TMEM150C: variants seen among roughly 807,000 people sequenced by gnomAD.
TMEM150C encodes tentonin 3.
TMEM150C carries 10 observed loss-of-function variants against 29.9 expected under a neutral mutation model. That is an observed-to-expected ratio of 0.33 (90% confidence interval 0.21 to 0.57). The LOEUF (loss-of-function observed/expected upper bound fraction) is 0.57. TMEM150C is among the 20% of genes least tolerant of loss of function. The pLI, the probability that TMEM150C is intolerant of heterozygous loss-of-function variation, is 0.88. For missense variants in TMEM150C, 251 were observed against 303.6 expected (o/e 0.83, Z 1.29); for synonymous variants, 101 against 112.5 (o/e 0.90, Z 0.64).
In TMEM150C at chr4:82,491,646, A is replaced by T. The variant is rs1033215179; in HGVS notation, c.364-1408T>A. The T allele has an allele frequency of 9.1e-6, 5 of 550,190 alleles. No individual in the cohort carries two copies. The African/African-American group carries it at 9.6e-5, about 11-fold the overall frequency. 34.1% of individuals were successfully genotyped at this position (550,190 alleles called of 1,614,324 possible). On this transcript the variant is annotated intron_variant, in intron 6 of 7. Coordinates refer to ENST00000449862, the MANE Select transcript of TMEM150C (RefSeq NM_001080506.3). ...CTTTCCTTTCAGCACCTTTGGCAGC[A>T]GGAGGAGAGCGCTAATTTTTTATTT...
At chr4:82,545,926 A>G (rs1249134328) in intron 1 of TMEM150C, among the ~76,000 whole-genome samples, 7 of 137,820 alleles carry the variant, frequency 5.1e-5, no homozygotes, top group Non-Finnish European at 6.0e-5. Context: ...CTCTGTCTCA[A>G]AAAAACAAAA....
chr4:82,502,528 G>A (rs1476138244), intron 5 of TMEM150C, among the ~76,000 whole-genome samples, 199 bp downstream of exon 5: 1 of 152,198 alleles, frequency 6.6e-6, no homozygotes, highest in Non-Finnish European at 1.5e-5. Flanking sequence ...AAGAGAAAAT[G>A]TAAGGACAGC....
intron 1 of TMEM150C, among the ~76,000 whole-genome samples, chr4:82,550,577 G>C (rs1725539816): frequency 6.6e-6 from 1 of 152,054 alleles, no homozygotes; most frequent in African/African-American, 2.4e-5. Flanking sequence ...GAGGTGGGCG[G>C]ATCACGAGGT....
chr4:82,535,471 AG>A (rs1004013582), intron 1 of TMEM150C, among the ~76,000 whole-genome samples: 2 of 152,160 alleles, frequency 1.3e-5, no homozygotes, highest in African/African-American at 4.8e-5. Flanking sequence ...TGAGATTTGG[AG>A]GGGAGATTCA....
intron 6 of TMEM150C, chr4:82,494,818 A>G: frequency 5.7e-6 from 1 of 176,880 alleles, no homozygotes; most frequent in East Asian, 1.1e-4. Context: ...GTCTGATCTT[A>G]TTTGTTACTC....
intron 1 of TMEM150C, among the ~76,000 whole-genome samples, chr4:82,557,480 T>G (rs1348942436): frequency 6.6e-6 from 1 of 152,010 alleles, no homozygotes; most frequent in Non-Finnish European, 1.5e-5. Context: ...GAACCTCCTC[T>G]CCCTTGAAAA....
At chr4:82,550,408 G>A (rs1003584805) in intron 1 of TMEM150C, among the ~76,000 whole-genome samples, 4 of 152,288 alleles carry the variant, frequency 2.6e-5, no homozygotes, top group African/African-American at 9.6e-5. Context: ...TGTGAAAACA[G>A]AGATACAGAT....
At chr4:82,529,450 A>G (rs1159861731) in intron 1 of TMEM150C, among the ~76,000 whole-genome samples, 3 of 151,884 alleles carry the variant, frequency 2.0e-5, no homozygotes, top group African/African-American at 7.3e-5. Flanking sequence ...GCCATGCTTG[A>G]CTAATTTTTT....
chr4:82,562,005 G>T, upstream of TMEM150C: 1 of 1,119,916 alleles, frequency 8.9e-7, no homozygotes, highest in Non-Finnish European at 1.1e-6. Context: ...CTTCCTTCAG[G>T]AAGGGGTGGG....
intron 7 of TMEM150C, 128 bp downstream of exon 7, chr4:82,489,933 T>C: frequency 3.3e-6 from 3 of 909,570 alleles, no homozygotes; most frequent in Non-Finnish European, 4.9e-6. Context: ...TTTTTATACC[T>C]GTTTACCTTT....
intron 1 of TMEM150C, 40 bp from the exon 2 acceptor site, chr4:82,504,707 C>T (rs773741768): frequency 2.0e-6 from 3 of 1,511,574 alleles, no homozygotes; most frequent in Non-Finnish European, 2.7e-6. Context: ...TAAGGCAAAA[C>T]ATTTACTTCA....
At chr4:82,557,687 A>C (rs1725776288) in intron 1 of TMEM150C, among the ~76,000 whole-genome samples, 1 of 152,076 alleles carries the variant, frequency 6.6e-6, no homozygotes, top group Non-Finnish European at 1.5e-5. Context: ...ACTTCAGCAC[A>C]AAATATCTTC....
chr4:82,507,142 A>G (rs1035788607), intron 1 of TMEM150C, among the ~76,000 whole-genome samples: 3 of 152,234 alleles, frequency 2.0e-5, no homozygotes, highest in South Asian at 2.1e-4. Flanking sequence ...AGGTTAAGCC[A>G]AGTCTGGTAT....
intron 1 of TMEM150C, among the ~76,000 whole-genome samples, chr4:82,506,911 A>G (rs941291497): frequency 6.6e-6 from 1 of 152,218 alleles, no homozygotes; most frequent in Non-Finnish European, 1.5e-5. Context: ...CTCAAATAGG[A>G]TGAGTACAGC....
intron 5 of TMEM150C, among the ~76,000 whole-genome samples, chr4:82,498,818 G>A (rs1578125544): frequency 6.6e-6 from 1 of 152,154 alleles, no homozygotes; most frequent in Admixed American, 6.5e-5. Flanking sequence ...CACAGGACAT[G>A]CAACATCTTC....
At chr4:82,485,784 C>A in intron 7 of TMEM150C, 65 bp from the exon 8 acceptor site, 1 of 1,430,180 alleles carries the variant, frequency 7.0e-7, no homozygotes. Context: ...CTTTTCAGGG[C>A]AGAGACAGAT....
rs116836375 is a variant in TMEM150C, at chr4:82,495,145, A to T, written c.363+923T>A. The T allele has an allele frequency of 6.8e-4, 352 of 515,006 alleles. No homozygotes were observed. The African/African-American group carries it at 6.9e-3, about 10-fold the overall frequency. 31.9% of individuals were successfully genotyped at this position (515,006 alleles called of 1,614,324 possible). A position where few individuals can be genotyped will look rare whatever the true frequency, so the allele number is the denominator to read the frequency against. On this transcript the variant is annotated intron_variant, in intron 6 of 7. Transcript: ENST00000449862. ...TACTGGCAGACATCATCTTCTTTAGAGACACTGAAAAGTTTGACCAGGCGC... is the reference window on the plus strand; with the variant it reads ...TACTGGCAGACATCATCTTCTTTAGTGACACTGAAAAGTTTGACCAGGCGC...
At chr4:82,528,456 G>A (rs746319936) in intron 1 of TMEM150C, among the ~76,000 whole-genome samples, 1 of 152,136 alleles carries the variant, frequency 6.6e-6, no homozygotes, top group Non-Finnish European at 1.5e-5. Flanking sequence ...AGTGAAAAAA[G>A]GTGGGGATGA....
At position 82,483,265 on chromosome 4, in the gene TMEM150C, A is replaced by G. The variant is rs1723051940; in HGVS notation, c.*2246T>C. 1 of 152,234 alleles carries G rather than the reference A, an allele frequency of 6.6e-6. No individual in the cohort carries two copies. Among genetic ancestry groups the G allele is most frequent in the Admixed American group, 6.5e-5 (1 of 15,286 alleles). The allele number at this position is 152,234 out of a possible 1,614,324, so 9.4% of individuals were successfully genotyped here. A position where few individuals can be genotyped will look rare whatever the true frequency, so the allele number is the denominator to read the frequency against. On this transcript the variant is annotated 3_prime_UTR_variant, in exon 8 of 8. Transcript: ENST00000449862. ...TCTGCTAAAATGTGGTATTAGATAT[A>G]TTCTTAAGAAAGTGTACAATTGCAT...
Sources: gnomAD v4.1 joint callset for allele counts (sites outside exome capture counted in the v4.1 genomes callset) on GRCh38, gnomAD v4.1.1 for gene constraint, MANE v1.5 for transcripts, NCBI Gene and HGNC (gene_info 2026-07-23, HGNC 2026-07-21) for gene names.